STOX1: variants seen among roughly 807,000 people sequenced by gnomAD.
STOX1 encodes storkhead box 1.
A neutral mutation model predicts 74.8 loss-of-function variants in STOX1; 57 were observed. That is an observed-to-expected ratio of 0.76 (90% confidence interval 0.62 to 0.95). The LOEUF (loss-of-function observed/expected upper bound fraction) is 0.95, where lower values mean the gene tolerates loss of function less well. Among genes scored for constraint, STOX1 ranks in the 40% least tolerant of loss-of-function variants. The pLI is 0.00. For synonymous variants in STOX1, 375 were observed against 401.3 expected (o/e 0.93, Z 0.78); for missense variants, 1,010 against 1,117.0 (o/e 0.90, Z 1.37).
intron 1 of STOX1, among the ~76,000 whole-genome samples, chr10:68,860,408 C>T (rs551508397): frequency 2.1e-4 from 31 of 151,106 alleles, no homozygotes; most frequent in African/African-American, 6.6e-4. Flanking sequence ...TCCATCTCTA[C>T]TAAAAATACA....
intron 1 of STOX1, among the ~76,000 whole-genome samples, chr10:68,844,117 T>C (rs563391939): frequency 1.6e-3 from 249 of 151,778 alleles, no homozygotes; most frequent in African/African-American, 5.3e-3. Context: ...GAGGCGGAGC[T>C]TGCAGTGAGT....
rs77553869 is a variant in STOX1, at chr10:68,882,948, G to A, written c.463+838G>A. ...CTCACTCTGTTGCCCAGGTTAGAGT[G>A]CAGAGGCACCTTCTTAGATCACTGC... On this transcript the variant is annotated intron_variant, in intron 2 of 3. Transcript: ENST00000298596. Among the ~76,000 whole-genome samples the A allele has an allele frequency of 3.7e-3, 565 of 152,292 alleles. 2 individuals carry two copies. Among genetic ancestry groups the A allele is most frequent in the African/African-American group, 0.013 (542 of 41,560 alleles).
chr10:68,856,053 C>T (rs1589224617), intron 1 of STOX1, among the ~76,000 whole-genome samples: 1 of 152,080 alleles, frequency 6.6e-6, no homozygotes, highest in East Asian at 1.9e-4. Flanking sequence ...ATTCAGAGTG[C>T]TCACTGCACC....
chr10:68,855,551 G>A (rs1782333), intron 1 of STOX1, among the ~76,000 whole-genome samples: 10,569 of 151,870 alleles, frequency 0.07, 412 homozygotes, highest in Middle Eastern at 0.099. Context: ...CGATCCTCCC[G>A]CCTCAGCCTC....
intron 3 of STOX1, among the ~76,000 whole-genome samples, chr10:68,891,017 C>T (rs1841085302): frequency 6.6e-6 from 1 of 151,946 alleles, no homozygotes; most frequent in South Asian, 2.1e-4. Flanking sequence ...AACCAAAAAG[C>T]CATGGGTTCC....
chr10:68,855,794 C>T (rs181575203), intron 1 of STOX1, among the ~76,000 whole-genome samples: 1 of 151,776 alleles, frequency 6.6e-6, no homozygotes, highest in African/African-American at 2.4e-5. Context: ...GTCCTCTCAT[C>T]TCCCATCAGC....
chr10:68,865,334 C>A (rs767892835), intron 1 of STOX1, among the ~76,000 whole-genome samples: 1 of 151,896 alleles, frequency 6.6e-6, no homozygotes, highest in African/African-American at 2.4e-5. Flanking sequence ...AAGAAACAGT[C>A]TTTTAAATCT....
chr10:68,866,898 G>T (rs112805642), intron 1 of STOX1, among the ~76,000 whole-genome samples: 2 of 150,672 alleles, frequency 1.3e-5, no homozygotes, highest in South Asian at 4.2e-4. Context: ...TCGGGTTTCC[G>T]TCTTTATCAA....
chr10:68,839,190 C>T (rs918535990), intron 1 of STOX1, among the ~76,000 whole-genome samples: 8 of 152,244 alleles, frequency 5.3e-5, no homozygotes, highest in South Asian at 2.1e-4. Context: ...TTCTAAAATT[C>T]GTATGGACTC....
intron 1 of STOX1, among the ~76,000 whole-genome samples, chr10:68,830,617 A>G (rs1383753171): frequency 6.6e-6 from 1 of 152,172 alleles, no homozygotes; most frequent in Non-Finnish European, 1.5e-5. Context: ...TGCTGGGATT[A>G]CAGACATGAG....
intron 1 of STOX1, among the ~76,000 whole-genome samples, chr10:68,872,248 T>G (rs1226941497): frequency 1.3e-5 from 2 of 152,112 alleles, no homozygotes; most frequent in East Asian, 3.8e-4. Context: ...ATAAACACAC[T>G]TGCATAGGGA....
intron 1 of STOX1, among the ~76,000 whole-genome samples, chr10:68,840,551 T>TTTAC (rs2133504786): frequency 5.4e-4 from 1 of 1,854 alleles, no homozygotes; most frequent in South Asian, 0.045. Context: ...GTTATTTTGT[T>TTTAC]TTATTTATTT....
At chr10:68,863,104 C>T (rs981961016) in intron 1 of STOX1, among the ~76,000 whole-genome samples, 5 of 152,086 alleles carry the variant, frequency 3.3e-5, no homozygotes, top group African/African-American at 1.2e-4. Context: ...CATAACAGTT[C>T]CTTCTTCATG....
At chr10:68,865,295 C>T (rs913642620) in intron 1 of STOX1, among the ~76,000 whole-genome samples, 9 of 148,082 alleles carry the variant, frequency 6.1e-5, no homozygotes, top group African/African-American at 2.2e-4. Flanking sequence ...GCAAACCGTT[C>T]ACAGTCCTGC....
At chr10:68,861,418 C>G (rs1840266078) in intron 1 of STOX1, among the ~76,000 whole-genome samples, 1 of 152,148 alleles carries the variant, frequency 6.6e-6, no homozygotes, top group South Asian at 2.1e-4. Flanking sequence ...GTTTTCCACC[C>G]TGGGTGGGCC....
intron 1 of STOX1, among the ~76,000 whole-genome samples, chr10:68,860,243 C>T (rs1031233197): frequency 2.7e-5 from 4 of 148,046 alleles, no homozygotes; most frequent in Non-Finnish European, 6.0e-5. Context: ...ACCCCAGCCT[C>T]GGTGACAGAG....
At chr10:68,873,616 G>T in intron 1 of STOX1, among the ~76,000 whole-genome samples, 2 of 126,334 alleles carry the variant, frequency 1.6e-5, no homozygotes. Context: ...TAGCTAGCTA[G>T]TCCTTTTTTT....
chr10:68,835,338 G>C (rs1287848901), intron 1 of STOX1, among the ~76,000 whole-genome samples: 1 of 151,982 alleles, frequency 6.6e-6, no homozygotes, highest in Admixed American at 6.6e-5. Context: ...CACCGCACCC[G>C]GCTGGCTTTA....
intron 1 of STOX1, among the ~76,000 whole-genome samples, chr10:68,865,291 C>T (rs1299410255): frequency 6.8e-6 from 1 of 147,700 alleles, no homozygotes; most frequent in Non-Finnish European, 1.5e-5. Flanking sequence ...AAATGCAAAC[C>T]GTTCACAGTC....
Sources: allele counts gnomAD v4.1 joint callset (sites outside exome capture counted in the v4.1 genomes callset), GRCh38; gene constraint gnomAD v4.1.1; transcripts MANE v1.5; gene names NCBI Gene and HGNC (gene_info 2026-07-23, HGNC 2026-07-21).